The following NKD2 variants were observed in gnomAD, a reference collection of about 807,000 sequenced individuals.
The protein encoded by NKD2 is protein naked cuticle homolog 2.
NKD2 carries 43 observed loss-of-function variants against 34.8 expected under a neutral mutation model. The ratio of observed to expected loss-of-function variants is 1.24; its 90% CI spans 0.97 to 1.60. NKD2 has a LOEUF of 1.60. Ranked by LOEUF, NKD2 falls within the 40% of genes most tolerant of loss-of-function variation. The pLI, the probability that NKD2 is intolerant of heterozygous loss-of-function variation, is 0.00. For synonymous variants in NKD2, 278 were observed against 265.1 expected (o/e 1.05, Z -0.47); for missense variants, 675 against 627.1 (o/e 1.08, Z -0.82).
At chr5:1,026,161 C>T (rs62330236) in intron 3 of NKD2, among the ~76,000 whole-genome samples, 2,594 of 32,662 alleles carry the variant, frequency 0.079, 14 homozygotes, top group Admixed American at 0.13. Context: ...CCGCTGTGGG[C>T]GTCCCAGCCC....
In NKD2 at chr5:1,009,834, T is replaced by C. The variant is rs1450720728; in HGVS notation, c.141+274T>C. 6.6e-6 allele frequency among the ~76,000 whole-genome samples: 1 copy of C among 151,734 alleles called. No individual in the cohort carries two copies. The highest frequency in any genetic ancestry group is 1.9e-4 in the East Asian group (1 of 5,140). Reference sequence around the variant, plus strand: ...GGCTGGGAGCCGTGTGGGGGCTCCATGTTTCGGGCTGGAGGAGCTGGGCGA... The same window carrying C: ...GGCTGGGAGCCGTGTGGGGGCTCCACGTTTCGGGCTGGAGGAGCTGGGCGA... On this transcript the variant is annotated intron_variant, in intron 3 of 9. Coordinates refer to ENST00000296849, the MANE Select transcript of NKD2 (RefSeq NM_033120.4). This position sits in a 1 kb window ranked among gnomAD's most constrained non-coding sequence, Gnocchi z 6.9.
intron 3 of NKD2, among the ~76,000 whole-genome samples, chr5:1,017,102 C>T (rs938359536): frequency 2.6e-5 from 4 of 152,216 alleles, no homozygotes; most frequent in South Asian, 2.1e-4. Context: ...ATAGCAGAGC[C>T]GACCCTATCC....
chr5:1,033,693 G>A (rs1579273236), intron 5 of NKD2, among the ~76,000 whole-genome samples, 194 bp downstream of exon 5: 1 of 152,250 alleles, frequency 6.6e-6, no homozygotes, highest in Non-Finnish European at 1.5e-5. Flanking sequence ...GCCAGAGAGT[G>A]CAGGATGTTG....
chr5:1,021,730 C>G (rs1313295926), intron 3 of NKD2, among the ~76,000 whole-genome samples: 1 of 152,036 alleles, frequency 6.6e-6, no homozygotes, highest in African/African-American at 2.4e-5. Flanking sequence ...AGAAGTGGGC[C>G]CCCGGCACCT....
intron 3 of NKD2, among the ~76,000 whole-genome samples, chr5:1,013,666 C>T (rs1255302934): frequency 6.6e-6 from 1 of 152,220 alleles, no homozygotes; most frequent in Admixed American, 6.5e-5. Flanking sequence ...CAGGCATCCC[C>T]TGTCCTGCAG....
At chr5:1,036,157 A>G in intron 8 of NKD2, 100 bp from the exon 9 acceptor site, 1 of 1,401,102 alleles carries the variant, frequency 7.1e-7, no homozygotes, top group Non-Finnish European at 9.3e-7. Context: ...GCTGGTCAGG[A>G]TGCACCCCGG....
rs1479593687 is a variant in NKD2, at chr5:1,035,474, G to A, written c.659+1G>A. 1 of 1,552,524 alleles carries A rather than the reference G, an allele frequency of 6.4e-7. No homozygotes were observed. The highest frequency in any genetic ancestry group is 8.7e-7 in the Non-Finnish European group (1 of 1,147,754). ...ACAGGAGGTTGTCTGCACACGTCAG[G>A]TGAGGGCTGGGGTGCCAGGGTGGGG... is the stretch of plus-strand genomic sequence containing the variant. On this transcript the variant is annotated splice_donor_variant, in intron 8 of 9. Transcript: ENST00000296849. LOFTEE classifies it high-confidence loss of function.
At position 1,009,256 on chromosome 5, in the gene NKD2, C is replaced by T. The variant is rs1306220522; in HGVS notation, c.61+42C>T. 3 of 481,730 alleles carry T rather than the reference C, an allele frequency of 6.2e-6. No homozygotes were observed. Among genetic ancestry groups the T allele is most frequent in the South Asian group, 3.4e-5 (1 of 29,622 alleles). The allele number at this position is 481,730 out of a possible 1,614,324, so 29.8% of individuals were successfully genotyped here. On this transcript the variant is annotated intron_variant, in intron 2 of 9. Transcript: ENST00000296849. This position sits in a 1 kb window ranked among gnomAD's most constrained non-coding sequence, Gnocchi z 6.9. ...ACGGGCGGGGCGGGGGGCGGCGACC[C>T]GGCCCGGGACCCTCAGAGCTAGGAG...
rs1733698822 is a variant in NKD2 at position 1,034,273 on chromosome 5, C to T, written c.369C>T (p.Arg123=). ...ATGTCTCGGTGGAGGAGGACGACCG[C>T]CAGGAGTGGACGTTCACGCTCTATG... ...QCDVSVEEDD[R]QEWTFTLYDF... is the part of the protein sequence containing the mutation. Residue 123 remains arginine, a synonymous_variant, in exon 6 of 10, where the codon CGC becomes CGT. Coordinates refer to ENST00000296849, the MANE Select transcript of NKD2 (RefSeq NM_033120.4). 16 of 1,611,936 alleles carry T rather than the reference C, an allele frequency of 9.9e-6. No individual in the cohort carries two copies. Among genetic ancestry groups the T allele is most frequent in the Non-Finnish European group, 1.2e-5 (14 of 1,179,576 alleles).
rs147352169 is a variant in NKD2, at chr5:1,035,284, T to TG, written c.575-105_575-104insG. ...TTAATGAATGAGTGAACCAGTGAGTTAATGAATGAATGAATGAGTGAGTGA... is the reference window on the plus strand; with the variant it reads ...TTAATGAATGAGTGAACCAGTGAGTTGAATGAATGAATGAATGAGTGAGTGA... On this transcript the variant is annotated intron_variant, in intron 7 of 9. Transcript: ENST00000296849. 4.3e-4 allele frequency: 322 copies of TG among 745,306 alleles called. 1 individual carries two copies. Among genetic ancestry groups the TG allele is most frequent in the African/African-American group, 3.0e-3 (171 of 57,446 alleles). 46.2% of individuals were successfully genotyped at this position (745,306 alleles called of 1,614,324 possible). A position where few individuals can be genotyped will look rare whatever the true frequency, so the allele number is the denominator to read the frequency against.
Position 1,008,834 on chromosome 5 carries a change from T to G in NKD2, c.-224T>G, listed in dbSNP as rs1755626996. On this transcript the variant is annotated 5_prime_UTR_variant, in exon 1 of 10. Transcript: ENST00000296849. ...GCCGGGCCGCCGTCGCTGCCGCCGC[T>G]GTCCCCGCGCCCTGCGCCCGGTGGC... 3.4e-6 allele frequency: 1 copy of G among 295,122 alleles called. No individual in the cohort carries two copies. Among genetic ancestry groups the G allele is most frequent in the African/African-American group, 2.2e-5 (1 of 44,790 alleles). The allele number at this position is 295,122 out of a possible 1,614,324, so 18.3% of individuals were successfully genotyped here.
chr5:1,031,088 T>C (rs1221839199), intron 3 of NKD2, among the ~76,000 whole-genome samples: 3 of 152,046 alleles, frequency 2.0e-5, no homozygotes, highest in African/African-American at 4.8e-5. Flanking sequence ...CAGGAGGCGC[T>C]TGGGGGGGTC....
chr5:1,036,162 C>T (rs1408446458), intron 8 of NKD2, 95 bp from the exon 9 acceptor site: 5 of 1,418,960 alleles, frequency 3.5e-6, no homozygotes, highest in Admixed American at 2.8e-5. Flanking sequence ...TCAGGATGCA[C>T]CCCGGACCCC....
At chr5:1,015,149 C>T (rs1294220908) in intron 3 of NKD2, among the ~76,000 whole-genome samples, 3 of 152,230 alleles carry the variant, frequency 2.0e-5, no homozygotes, top group East Asian at 3.9e-4. Context: ...CGGGGTGCTG[C>T]AAGCCAGAGG....
intron 3 of NKD2, among the ~76,000 whole-genome samples, chr5:1,026,564 T>A (rs74501619): frequency 4.9e-5 from 2 of 40,800 alleles, no homozygotes; most frequent in African/African-American, 1.5e-4. Flanking sequence ...CTTCCCACCC[T>A]CTGTGGGTGT....
intron 3 of NKD2, among the ~76,000 whole-genome samples, chr5:1,029,309 C>T (rs1756547241): frequency 6.6e-6 from 1 of 152,154 alleles, no homozygotes; most frequent in South Asian, 2.1e-4. Context: ...CAGTCATGGG[C>T]TGGTTGGTGT....
At position 1,034,312 on chromosome 5, in the gene NKD2, C is replaced by A. The variant is rs1037183321; in HGVS notation, c.408C>A (p.Cys136Ter). 1 of 1,612,544 alleles carries A rather than the reference C, an allele frequency of 6.2e-7. No individual in the cohort carries two copies. Among genetic ancestry groups the A allele is most frequent in the Non-Finnish European group, 8.5e-7 (1 of 1,179,642 alleles). The change falls in exon 6 of 10, where the codon TGC becomes TGA. Residue 136 changes from cysteine to a stop codon, truncating the protein, a stop_gained. Coordinates refer to ENST00000296849, the MANE Select transcript of NKD2 (RefSeq NM_033120.4). LOFTEE classifies it high-confidence loss of function. ...WTFTLYDFDN[C>*]GKVTREDMSS... ...TCACGCTCTATGACTTTGACAACTG[C>A]GGGAAGGTCACCAGGGAGGTAGGTG...
At chr5:1,026,653 C>T (rs1560991879) in intron 3 of NKD2, among the ~76,000 whole-genome samples, 1 of 152,264 alleles carries the variant, frequency 6.6e-6, no homozygotes, top group Non-Finnish European at 1.5e-5. Flanking sequence ...AGACATCACC[C>T]TCAGCCTTTT....
intron 3 of NKD2, among the ~76,000 whole-genome samples, chr5:1,020,605 T>G (rs1331365698): frequency 1.3e-5 from 2 of 149,510 alleles, no homozygotes; most frequent in African/African-American, 5.0e-5. Flanking sequence ...TCTCCAAGCG[T>G]GGGGAGAGGG....
Sources: allele counts gnomAD v4.1 joint callset (sites outside exome capture counted in the v4.1 genomes callset), GRCh38; gene constraint gnomAD v4.1.1; non-coding constraint Gnocchi (gnomAD v3.1); transcripts MANE v1.5; gene names NCBI Gene and HGNC (gene_info 2026-07-23, HGNC 2026-07-21).